Variants in ANO8 observed in about 807,000 individuals in gnomAD.
ANO8 encodes the protein anoctamin-8.
In ANO8, 67 loss-of-function variants were observed where a neutral mutation model predicts 120.4. The observed-to-expected ratio is 0.56, with a 90% confidence interval of 0.46 to 0.68. The LOEUF is 0.68. ANO8 is among the 30% of genes least tolerant of loss of function. The pLI, the probability that ANO8 is intolerant of heterozygous loss-of-function variation, is 0.00. For synonymous variants in ANO8, 727 were observed against 759.2 expected (o/e 0.96, Z 0.70); for missense variants, 1,526 against 1,737.6 (o/e 0.88, Z 2.16).
chr19:17,328,129 C>CCCGCCCCCTGCGAGGCT, intron 13 of ANO8, 33 bp downstream of exon 13: 2 of 1,502,308 alleles, frequency 1.3e-6, no homozygotes, highest in Non-Finnish European at 1.8e-6. Context: ...CCGGCGAGGC[C>CCCGCCCCCTGCGAGGCT]CCGCCCCCTG....
In ANO8 at chr19:17,329,612, GACGGACA is replaced by G. The variant is rs961160591; in HGVS notation, c.1404+138_1404+144del. 112 of 652,540 alleles carry G rather than the reference GACGGACA, an allele frequency of 1.7e-4. 1 individual carries two copies. In the African/African-American group the frequency reaches 1.9e-3, roughly 11 times the overall value. 40.4% of individuals were successfully genotyped at this position (652,540 alleles called of 1,614,324 possible). A position where few individuals can be genotyped will look rare whatever the true frequency, so the allele number is the denominator to read the frequency against. On this transcript the variant is annotated intron_variant, in intron 12 of 17. Coordinates refer to ENST00000159087, the MANE Select transcript of ANO8 (RefSeq NM_020959.3). ...ACAGGCAGAGAGAGGACGCACAGAC[GACGGACA>G]ACGGACGGACAGACAGGAGAGAAGG...
rs58263758 is a variant in ANO8, at chr19:17,323,311, CTGTGTG to C, written c.*200_*205del. The C allele has an allele frequency of 6.4e-3, 2,087 of 327,532 alleles. 5 individuals are homozygous for C. Among genetic ancestry groups the C allele is most frequent in the Non-Finnish European group, 8.4e-3 (1,513 of 180,408 alleles). The allele number at this position is 327,532 out of a possible 1,614,324, so 20.3% of individuals were successfully genotyped here. On this transcript the variant is annotated 3_prime_UTR_variant, in exon 18 of 18. Coordinates refer to ENST00000159087, the MANE Select transcript of ANO8 (RefSeq NM_020959.3). ...AAAAACAAATAAATAATCGCCTGTT[CTGTGTG>C]TGTGTGTGTGTGTGTGTGTGTGTGT...
intron 1 of ANO8, among the ~76,000 whole-genome samples, chr19:17,334,177 CTG>C (rs2074342782): frequency 6.6e-6 from 1 of 152,234 alleles, no homozygotes; most frequent in Non-Finnish European, 1.5e-5. Flanking sequence ...GGTGAGGAAA[CTG>C]AGGCCCAGAG....
Position 17,323,351 on chromosome 19 carries a change from T to G in ANO8, c.*166A>C. On this transcript the variant is annotated 3_prime_UTR_variant, in exon 18 of 18. Coordinates refer to ENST00000159087, the MANE Select transcript of ANO8 (RefSeq NM_020959.3). ...TGTGTGTGTGTGTGTGTGTTTTCTG[T>G]TGGATTTGTGGGTTTCCTTTCGTTT... The G allele has an allele frequency of 8.1e-6, 3 of 369,876 alleles. No individual in the cohort carries two copies. The highest frequency in any genetic ancestry group is 1.4e-5 in the Non-Finnish European group (3 of 214,460). 22.9% of individuals were successfully genotyped at this position (369,876 alleles called of 1,614,324 possible). A position where few individuals can be genotyped will look rare whatever the true frequency, so the allele number is the denominator to read the frequency against.
Position 17,334,780 on chromosome 19 carries a change from C to T in ANO8, c.-110G>A. On this transcript the variant is annotated 5_prime_UTR_variant, in exon 1 of 18. Coordinates refer to ENST00000159087, the MANE Select transcript of ANO8 (RefSeq NM_020959.3). ...GCGCGGGAGGAGGAGACAAAGGCCG[C>T]GCCCGCCCGCGCCGGCCTCGGTCCT... The T allele has an allele frequency of 8.7e-7, 1 of 1,153,770 alleles. No homozygotes were observed. Among genetic ancestry groups the T allele is most frequent in the Non-Finnish European group, 1.2e-6 (1 of 869,432 alleles). The allele number at this position is 1,153,770 out of a possible 1,614,324, so 71.5% of individuals were successfully genotyped here. A position where few individuals can be genotyped will look rare whatever the true frequency, so the allele number is the denominator to read the frequency against.
Position 17,333,085 on chromosome 19 carries a change from C to G in ANO8, c.489+16G>C. On this transcript the variant is annotated intron_variant, in intron 4 of 17. Transcript: ENST00000159087. The surrounding 1 kb of genome is among the most constrained non-coding windows in gnomAD (Gnocchi z 7.2). ...ATAGGCACAGGATGCATGCGGGGGC[C>G]CAGAGCCGGCCTCACCTGGGAGGTG... 1 of 1,613,726 alleles carries G rather than the reference C, an allele frequency of 6.2e-7. No homozygotes were observed. The highest frequency in any genetic ancestry group is 1.1e-5 in the South Asian group (1 of 91,078).
At position 17,331,297 on chromosome 19, in the gene ANO8, A is replaced by T; in HGVS notation, c.701T>A (p.Leu234Gln). 1 of 1,614,100 alleles carries T rather than the reference A, an allele frequency of 6.2e-7. No homozygotes were observed. The highest frequency in any genetic ancestry group is 8.5e-7 in the Non-Finnish European group (1 of 1,180,006). The change falls in exon 6 of 18, where the codon CTA (leucine) becomes CAA (glutamine). Residue 234 changes from leucine (L) to glutamine (Q), a missense_variant and splice_region_variant. Physicochemically the swap from Leu to Gln is moderately radical, Grantham distance 113. Transcript: ENST00000159087. Reference protein sequence around the residue: ...WVQAVCENQPLDDICDYFGVK... With the variant: ...WVQAVCENQPQDDICDYFGVK... ...CCACCCCCCAGCCCAGGCAGCACCT[A>T]GAGGCTGGTTTTCACACACGGCCTG...
chr19:17,329,612 G>C, intron 12 of ANO8, 145 bp downstream of exon 12: 1 of 652,540 alleles, frequency 1.5e-6, no homozygotes, highest in Non-Finnish European at 2.7e-6. Flanking sequence ...ACGCACAGAC[G>C]ACGGACAACG....
Position 17,331,379 on chromosome 19 carries a change from G to A in ANO8, c.619C>T (p.Gln207Ter). ...CGCTGCTCGTGGACAGGGAACACCT[G>A]CTGGATGATCCCACGTGCTGCCAGC... ...PELAARGIIQ[Q>*]VFPVHEQRIL... The change falls in exon 6 of 18, where the codon CAG becomes TAG. Residue 207 changes from glutamine to a stop codon, truncating the protein, a stop_gained. Coordinates refer to ENST00000159087, the MANE Select transcript of ANO8 (RefSeq NM_020959.3). LOFTEE classifies it high-confidence loss of function. 1 of 1,613,978 alleles carries A rather than the reference G, an allele frequency of 6.2e-7. No homozygotes were observed.
At chr19:17,327,988 C>T (rs2074284565) in intron 13 of ANO8, 108 bp from the exon 14 acceptor site, 4 of 1,457,682 alleles carry the variant, frequency 2.7e-6, no homozygotes, top group Non-Finnish European at 3.7e-6. Flanking sequence ...GGCCTGTCCC[C>T]ATCCTCAGCC....
rs771614584 is a variant in ANO8 at position 17,333,181 on chromosome 19, C to A, written c.409G>T (p.Gly137Trp). The change falls in exon 4 of 18, where the codon GGG (glycine) becomes TGG (tryptophan). Residue 137 changes from glycine to tryptophan, a missense_variant. This residue lies in a region of ANO8 where 322 missense variants were observed against 431.8 expected (regional missense o/e 0.75). Transcript: ENST00000159087. The surrounding 1 kb of genome is among the most constrained non-coding windows in gnomAD (Gnocchi z 7.2). ...TCGCAGGAGAAGCCGCGGGTGCCCC[C>A]GCCAAACTCGGCCTTCACTGCTTTG... is the stretch of plus-strand genomic sequence containing the variant. ...LRKAVKAEFGGGTRGFSCEED... is the reference protein window; with the variant it reads ...LRKAVKAEFGWGTRGFSCEED... 1.2e-6 allele frequency: 2 copies of A among 1,610,084 alleles called. No individual in the cohort carries two copies. The highest frequency in any genetic ancestry group is 2.2e-5 in the East Asian group (1 of 44,670).
chr19:17,333,122 C>A lies in ANO8; in HGVS notation c.468G>T (p.Glu156Asp), dbSNP rs1000530852. The A allele has an allele frequency of 6.2e-7, 1 of 1,614,044 alleles. No individual in the cohort carries two copies. The part of the protein sequence containing the change: ...EDFIYENVES[E>D]LRFFTSQERQ... ...TCACCTGGGAGGTGAAGAAGCGTAG[C>A]TCGCTCTCCACATTCTCATAGATAA... Residue 156 changes from glutamate to aspartate, a missense_variant, in exon 4 of 18, where the codon GAG (glutamate) becomes GAT (aspartate). Coordinates refer to ENST00000159087, the MANE Select transcript of ANO8 (RefSeq NM_020959.3). The surrounding 1 kb of genome is among the most constrained non-coding windows in gnomAD (Gnocchi z 7.2).
Position 17,323,834 on chromosome 19 carries a change from G to A in ANO8, c.3382C>T (p.Arg1128Trp). 3.5e-6 allele frequency: 4 copies of A among 1,130,694 alleles called. No individual in the cohort carries two copies. The highest frequency in any genetic ancestry group is 3.2e-6 in the Non-Finnish European group (3 of 923,096). The allele number at this position is 1,130,694 out of a possible 1,614,324, so 70.0% of individuals were successfully genotyped here. A position where few individuals can be genotyped will look rare whatever the true frequency, so the allele number is the denominator to read the frequency against. ...ATTGGCGGCGGCGGCGCGGGGCTCCGGCTGCGGCGGGTGCGGAGGGCAGGG... is the reference window on the plus strand; with the variant it reads ...ATTGGCGGCGGCGGCGCGGGGCTCCAGCTGCGGCGGGTGCGGAGGGCAGGG... ...GAPALRTRRSRSPAPPPPMPL... is the reference protein window; with the variant it reads ...GAPALRTRRSWSPAPPPPMPL... The change falls in exon 18 of 18, where the codon CGG (arginine) becomes TGG (tryptophan). Residue 1128 changes from arginine to tryptophan, a missense_variant. Arg to Trp is a moderately radical substitution (Grantham distance 101). Transcript: ENST00000159087.
chr19:17,328,082 C>G (rs1001884575), intron 13 of ANO8, 80 bp downstream of exon 13: 2 of 1,410,654 alleles, frequency 1.4e-6, no homozygotes, highest in African/African-American at 2.9e-5. Context: ...CCACTCCCAC[C>G]CCCACGGCCT....
At position 17,334,851 on chromosome 19, in the gene ANO8, G is replaced by C; in HGVS notation, c.-181C>G. On this transcript the variant is annotated 5_prime_UTR_variant, in exon 1 of 18. In the 5' UTR this introduces an upstream ATG that the reference lacks. Transcript: ENST00000159087. ...CTCGTCCCCGCCCGAGCCGAACCTC[G>C]ATTCTCCTTCCCGGCCCGATGCACG... 1 of 1,312,528 alleles carries C rather than the reference G, an allele frequency of 7.6e-7. No homozygotes were observed. The highest frequency in any genetic ancestry group is 1.0e-6 in the Non-Finnish European group (1 of 992,034). The allele number at this position is 1,312,528 out of a possible 1,614,324, so 81.3% of individuals were successfully genotyped here. A position where few individuals can be genotyped will look rare whatever the true frequency, so the allele number is the denominator to read the frequency against.
rs768014396 is a variant in ANO8, at chr19:17,327,441, G to C, written c.2547C>G (p.Leu849=). The C allele has an allele frequency of 3.7e-6, 6 of 1,608,050 alleles. No homozygotes were observed. The highest frequency in any genetic ancestry group is 5.1e-6 in the Non-Finnish European group (6 of 1,177,334). Residue 849 remains leucine, a synonymous_variant, in exon 15 of 18, where the codon CTC becomes CTG. Coordinates refer to ENST00000159087, the MANE Select transcript of ANO8 (RefSeq NM_020959.3). ...CCGCCCCTGTCGCCGGCCCCACCTC[G>C]AGCACTACCACCGACACGATGGCTG... ...PEAAIVSVVV[L]EHFALLLKYL... is the part of the protein sequence containing the mutation.
intron 13 of ANO8, 85 bp from the exon 14 acceptor site, chr19:17,327,965 C>A: frequency 6.5e-7 from 1 of 1,532,400 alleles, no homozygotes; most frequent in South Asian, 1.2e-5. Flanking sequence ...CAGATTATCC[C>A]ATGTGGACCC....
At position 17,333,355 on chromosome 19, in the gene ANO8, G is replaced by T. The variant is rs1278718140; in HGVS notation, c.350+67C>A. 7.5e-6 allele frequency: 12 copies of T among 1,610,706 alleles called. No homozygotes were observed. The highest frequency in any genetic ancestry group is 7.6e-6 in the Non-Finnish European group (9 of 1,178,398). The stretch of plus-strand genomic sequence containing the variant: ...AAACGCAGGGCGGCTGGATAGCATG[G>T]TTGGCACTTGGTAGAGCGGGGAGTC... On this transcript the variant is annotated intron_variant, in intron 3 of 17. Coordinates refer to ENST00000159087, the MANE Select transcript of ANO8 (RefSeq NM_020959.3). The surrounding 1 kb of genome is among the most constrained non-coding windows in gnomAD (Gnocchi z 7.2).
At position 17,334,638 on chromosome 19, in the gene ANO8, C is replaced by T. The variant is rs1032260955; in HGVS notation, c.33G>A (p.Thr11=). The T allele has an allele frequency of 6.7e-6, 10 of 1,493,374 alleles. No individual in the cohort carries two copies. Among genetic ancestry groups the T allele is most frequent in the Middle Eastern group, 2.2e-4 (1 of 4,510 alleles). The allele number at this position is 1,493,374 out of a possible 1,614,324, so 92.5% of individuals were successfully genotyped here. A position where few individuals can be genotyped will look rare whatever the true frequency, so the allele number is the denominator to read the frequency against. Residue 11 remains threonine (T), a synonymous_variant, in exon 1 of 18, where the codon ACG becomes ACA. Transcript: ENST00000159087. MAEAASGAGG[T]SLEGERGKRP... ...TCTTGCCACGCTCGCCCTCCAGGGA[C>T]GTGCCCCCGGCGCCGGAGGCGGCCT...
Sources: gnomAD v4.1 joint callset for allele counts (sites outside exome capture counted in the v4.1 genomes callset) on GRCh38, gnomAD v4.1.1 for gene constraint, gnomAD v4.1.1 regional missense constraint, Gnocchi (gnomAD v3.1) non-coding constraint, MANE v1.5 for transcripts, NCBI Gene and HGNC (gene_info 2026-07-23, HGNC 2026-07-21) for gene names.